FREM1: variants seen among roughly 807,000 people sequenced by gnomAD.
FREM1 encodes the protein FRAS1 related extracellular matrix 1, also known as FRAS1-related extracellular matrix protein 1.
FREM1 carries 220 observed loss-of-function variants against 210.1 expected under a neutral mutation model. That is an observed-to-expected ratio of 1.05 (90% CI 0.94 to 1.17). FREM1 has a LOEUF of 1.17. FREM1 is among the 50% of genes most tolerant of loss of function. The probability of loss-of-function intolerance (pLI) is 0.00; values close to 1 mark genes in which losing one functional copy is unlikely to be tolerated. For synonymous variants in FREM1, 1,189 were observed against 980.2 expected, an observed-to-expected ratio of 1.21 and a Z score of -3.98; for missense variants, 3,454 against 2,675.5, an observed-to-expected ratio of 1.29 and a Z score of -6.42.
chr9:14,812,782 T>A, intron 16 of FREM1, 30 bp downstream of exon 16: 1 of 1,572,856 alleles, frequency 6.4e-7, no homozygotes, highest in Non-Finnish European at 8.6e-7. Flanking sequence ...TTGCTTGCAT[T>A]CCCTCACTGG....
chr9:14,876,458 C>A (rs1480000784), intron 1 of FREM1, among the ~76,000 whole-genome samples: 2 of 151,600 alleles, frequency 1.3e-5, no homozygotes, highest in African/African-American at 4.8e-5. Context: ...CAGTGAGACT[C>A]CGTGGGCGTA....
At chr9:14,820,081 G>GT (rs1821017103) in intron 13 of FREM1, among the ~76,000 whole-genome samples, 1 of 152,214 alleles carries the variant, frequency 6.6e-6, no homozygotes, top group Non-Finnish European at 1.5e-5. Context: ...TAATTCATTT[G>GT]TAAGTTAAAA....
At chr9:14,857,458 C>A (rs1828978238) in intron 5 of FREM1, 95 bp downstream of exon 5, 2 of 1,070,658 alleles carry the variant, frequency 1.9e-6, no homozygotes, top group African/African-American at 3.1e-5. Context: ...AGCACAGGAA[C>A]TCTCCCTGGC....
chr9:14,795,156 G>A (rs1169155296), intron 21 of FREM1, among the ~76,000 whole-genome samples: 1 of 152,168 alleles, frequency 6.6e-6, no homozygotes, highest in African/African-American at 2.4e-5. Context: ...ATATCTGCTT[G>A]TAATAATAAC....
At chr9:14,798,733 A>G (rs1852919926) in intron 20 of FREM1, among the ~76,000 whole-genome samples, 1 of 152,068 alleles carries the variant, frequency 6.6e-6, no homozygotes, top group Non-Finnish European at 1.5e-5. Flanking sequence ...GAATGCAGTG[A>G]CATGATATTG....
intron 3 of FREM1, among the ~76,000 whole-genome samples, chr9:14,860,555 A>ATTTG (rs1564098631): frequency 8.6e-6 from 1 of 116,620 alleles, no homozygotes; most frequent in African/African-American, 4.2e-5. Context: ...ACATATATAT[A>ATTTG]CACACATATA....
intron 11 of FREM1, 23 bp downstream of exon 11, chr9:14,824,773 C>A (rs1311708103): frequency 1.3e-6 from 2 of 1,569,410 alleles, no homozygotes; most frequent in Non-Finnish European, 8.7e-7. Flanking sequence ...AACTAGTAGC[C>A]CAAATGGTGA....
At position 14,860,817 on chromosome 9, in the gene FREM1, A is replaced by G. The variant is rs369375359; in HGVS notation, c.330-1333T>C. Among the ~76,000 whole-genome samples the G allele has an allele frequency of 4.6e-3, 237 of 51,800 alleles. 11 individuals are homozygous for G. Among genetic ancestry groups the G allele is most frequent in the African/African-American group, 0.012 (136 of 11,160 alleles). 34.0% of individuals were successfully genotyped at this position (51,800 alleles called of 152,430 possible). On this transcript the variant is annotated intron_variant, in intron 3 of 36. Transcript: ENST00000380880. Reference sequence around the variant, plus strand: ...TATATACACATATATACATATATACACATATATACATATATACGTATATAT... The same window carrying G: ...TATATACACATATATACATATATACGCATATATACATATATACGTATATAT...
intron 10 of FREM1, among the ~76,000 whole-genome samples, chr9:14,833,890 G>C (rs1409529684): frequency 6.6e-6 from 1 of 152,126 alleles, no homozygotes; most frequent in Non-Finnish European, 1.5e-5. Flanking sequence ...TGGTAGCATG[G>C]GACTCCTTGG....
rs1376779117 is a variant in FREM1, at chr9:14,842,437, C to G, written c.1617G>C (p.Leu539=). The G allele has an allele frequency of 6.2e-7, 1 of 1,613,812 alleles. No individual in the cohort carries two copies. The highest frequency in any genetic ancestry group is 1.3e-5 in the African/African-American group (1 of 74,920). Reference sequence around the variant, plus strand: ...AAGCTCGCAGCATGGATCCCTGGATCAGGATGGTCTGCCCCTCCTCCAGTT... The same window carrying G: ...AAGCTCGCAGCATGGATCCCTGGATGAGGATGGTCTGCCCCTCCTCCAGTT... ...VIELEEGQTI[L]IQGSMLRASD... is the part of the protein sequence containing the mutation. The change falls in exon 9 of 37, where the codon CTG becomes CTC. Residue 539 remains leucine, a synonymous_variant. Transcript: ENST00000380880.
intron 27 of FREM1, among the ~76,000 whole-genome samples, chr9:14,765,996 G>A (rs901310125): frequency 2.0e-5 from 3 of 152,086 alleles, no homozygotes; most frequent in African/African-American, 7.2e-5. Flanking sequence ...GGGCTTCTGC[G>A]GATCATCTTG....
At chr9:14,873,629 C>G (rs1480703101) in intron 1 of FREM1, among the ~76,000 whole-genome samples, 23 of 152,128 alleles carry the variant, frequency 1.5e-4, no homozygotes, top group Admixed American at 1.5e-3. Context: ...ATCCTGGATT[C>G]ATTAATTTTT....
At chr9:14,750,056 G>A (rs565854728) in intron 30 of FREM1, 71 bp downstream of exon 30, 15 of 1,477,268 alleles carry the variant, frequency 1.0e-5, no homozygotes, top group East Asian at 9.1e-5. Flanking sequence ...TATCAAGCAC[G>A]TTGGCTGTTG....
rs1464937186 is a variant in FREM1 at position 14,747,688 on chromosome 9, A to C, written c.5837T>G (p.Ile1946Ser). ...TTCTGTGACTACACTTACATTATAG[A>C]TGATGTCTGTTCCATTTCTATAAAC... ...SSVYRNGTDI[I>S]YNYHGIVSLK... The change falls in exon 32 of 37, where the codon ATC becomes AGC. Residue 1946 changes from isoleucine to serine, a missense_variant. Coordinates refer to ENST00000380880, the MANE Select transcript of FREM1 (RefSeq NM_001379081.2). The C allele has an allele frequency of 6.5e-7, 1 of 1,533,722 alleles. No homozygotes were observed. Among genetic ancestry groups the C allele is most frequent in the South Asian group, 1.2e-5 (1 of 80,414 alleles).
intron 10 of FREM1, among the ~76,000 whole-genome samples, chr9:14,833,783 G>T (rs912178568): frequency 1.3e-5 from 2 of 152,054 alleles, no homozygotes; most frequent in African/African-American, 4.8e-5. Flanking sequence ...TGTTTTTCTG[G>T]AAAAAGGCTC....
Position 14,869,062 on chromosome 9 carries a change from C to A in FREM1, c.-85G>T, listed in dbSNP as rs1485901263. On this transcript the variant is annotated 5_prime_UTR_variant, in exon 2 of 37. Coordinates refer to ENST00000380880, the MANE Select transcript of FREM1 (RefSeq NM_001379081.2). ...TCTGTGCTTCCTCCTGGAGGGTCAG[C>A]TCATAGTCCAAGGGGCAGGGTGAGG... 7 of 910,530 alleles carry A rather than the reference C, an allele frequency of 7.7e-6. No homozygotes were observed. The highest frequency in any genetic ancestry group is 1.1e-5 in the Non-Finnish European group (7 of 612,732). 56.4% of individuals were successfully genotyped at this position (910,530 alleles called of 1,614,324 possible). A position where few individuals can be genotyped will look rare whatever the true frequency, so the allele number is the denominator to read the frequency against.
At chr9:14,865,698 T>TGTGTGTGCGC (rs759644257) in intron 2 of FREM1, among the ~76,000 whole-genome samples, 5 of 150,524 alleles carry the variant, frequency 3.3e-5, no homozygotes, top group African/African-American at 1.2e-4. Context: ...TGTGTGTGTG[T>TGTGTGTGCGC]GCACATGCAC....
Position 14,851,596 on chromosome 9 carries a change from C to T in FREM1, c.840G>A (p.Ala280=), listed in dbSNP as rs41313784. Reference sequence around the variant, plus strand: ...CAGCTCTGATATAGACAGGCAGCCACGCACTCTCTGACTTTTGAAGGATAG... The same window carrying T: ...CAGCTCTGATATAGACAGGCAGCCATGCACTCTCTGACTTTTGAAGGATAG... ...RSKIVYKSES[A]WLPVYIRAGI... is the part of the protein sequence containing the mutation. Residue 280 remains alanine (A), a synonymous_variant, in exon 6 of 37, where the codon GCG becomes GCA. Coordinates refer to ENST00000380880, the MANE Select transcript of FREM1 (RefSeq NM_001379081.2). The T allele has an allele frequency of 7.8e-3, 12,575 of 1,612,594 alleles. 290 individuals carry two copies. Among genetic ancestry groups the T allele is most frequent in the African/African-American group, 0.074 (5,538 of 74,964 alleles).
At chr9:14,852,519 CT>C (rs1827964144) in intron 5 of FREM1, among the ~76,000 whole-genome samples, 1 of 152,100 alleles carries the variant, frequency 6.6e-6, no homozygotes, top group Non-Finnish European at 1.5e-5. Flanking sequence ...GAGACCCTAT[CT>C]CTACAAAAAA....
Sources: allele counts gnomAD v4.1 joint callset (sites outside exome capture counted in the v4.1 genomes callset), GRCh38; gene constraint gnomAD v4.1.1; transcripts MANE v1.5; gene names NCBI Gene and HGNC (gene_info 2026-07-23, HGNC 2026-07-21).